The following LRRC53 variants were observed in gnomAD, a reference collection of about 807,000 sequenced individuals.
LRRC53 encodes the protein leucine rich repeat containing 53.
In LRRC53, 25 loss-of-function variants were observed where a neutral mutation model predicts 13.6. The observed-to-expected ratio is 1.83, with a 90% CI of 1.34 to 2.56. The LOEUF is 2.56. Among genes scored for constraint, LRRC53 ranks in the 30% most tolerant of loss-of-function variants. LRRC53 has a pLI of 0.00. For synonymous variants in LRRC53, 204 were observed against 109.8 expected, an observed-to-expected ratio of 1.86 and a Z score of -5.37; for missense variants, 527 against 275.8, an observed-to-expected ratio of 1.91 and a Z score of -6.45.
At position 74,471,199 on chromosome 1, in the gene LRRC53, A is replaced by AG. The variant is rs1011562092; in HGVS notation, c.2422dup (p.Leu808ProfsTer5). 22 of 400,572 alleles carry AG rather than the reference A, an allele frequency of 5.5e-5. No homozygotes were observed. The highest frequency in any genetic ancestry group is 1.3e-4 in the Admixed American group (3 of 22,716). The allele number at this position is 400,572 out of a possible 1,614,324, so 24.8% of individuals were successfully genotyped here. A position where few individuals can be genotyped will look rare whatever the true frequency, so the allele number is the denominator to read the frequency against. On this transcript the variant is annotated frameshift_variant, in exon 5 of 5. Coordinates refer to ENST00000294635, the MANE Select transcript of LRRC53 (RefSeq NM_001382280.1). LOFTEE classifies it low-confidence loss of function (END_TRUNC). The stretch of plus-strand genomic sequence containing the variant: ...TACACGCAAGTTGTTAGCACTGAGC[A>AG]GGGGGGCACGTTTAGTGTTTCGTTG...
At chr1:74,485,140 A>G (rs144819370) in intron 1 of LRRC53, among the ~76,000 whole-genome samples, 86 of 152,344 alleles carry the variant, frequency 5.6e-4, no homozygotes, top group African/African-American at 1.9e-3. Flanking sequence ...CCTATCTATA[A>G]CACAAGGAGA....
rs1411788327 is a variant in LRRC53, at chr1:74,475,463, C to T, written c.1252G>A (p.Gly418Ser). 1.4e-6 allele frequency: 1 copy of T among 717,022 alleles called. No homozygotes were observed. The highest frequency in any genetic ancestry group is 2.0e-5 in the Admixed American group (1 of 49,954). The allele number at this position is 717,022 out of a possible 1,614,324, so 44.4% of individuals were successfully genotyped here. A position where few individuals can be genotyped will look rare whatever the true frequency, so the allele number is the denominator to read the frequency against. ...GVGSTLFCQDGRLLHSECSEP... is the reference protein window; with the variant it reads ...GVGSTLFCQDSRLLHSECSEP... ...GAACATTCCGAATGCAGCAATCTACCATCCTGGCAAAATAAAGTGCTGCCT... is the reference window on the plus strand; with the variant it reads ...GAACATTCCGAATGCAGCAATCTACTATCCTGGCAAAATAAAGTGCTGCCT... The change falls in exon 4 of 5, where the codon GGT (glycine) becomes AGT (serine). Residue 418 changes from glycine (G) to serine (S), a missense_variant. By Grantham distance (56) the Gly-to-Ser change is moderately conservative. Transcript: ENST00000294635.
At chr1:74,511,776 G>A (rs946720613) in intron 1 of LRRC53, among the ~76,000 whole-genome samples, 9 of 151,878 alleles carry the variant, frequency 5.9e-5, no homozygotes, top group African/African-American at 1.5e-4. Flanking sequence ...AAGCCATCCC[G>A]TTTCACTTGA....
intron 1 of LRRC53, among the ~76,000 whole-genome samples, chr1:74,498,847 GT>G (rs1669466178): frequency 6.6e-6 from 1 of 151,902 alleles, no homozygotes; most frequent in South Asian, 2.1e-4. Flanking sequence ...TTCCCTGTGT[GT>G]TTTTTAAAAA....
intron 1 of LRRC53, among the ~76,000 whole-genome samples, chr1:74,486,350 T>G (rs1668764389): frequency 6.6e-6 from 1 of 152,122 alleles, no homozygotes; most frequent in African/African-American, 2.4e-5. Context: ...GTCCAGAGTT[T>G]CTCGTTGTTT....
chr1:74,529,275 G>T, the LRRC53 span, among the ~76,000 whole-genome samples: 1 of 152,132 alleles, frequency 6.6e-6, no homozygotes, highest in African/African-American at 2.4e-5. Flanking sequence ...AAATCAAAAT[G>T]TGATGGGACA....
chr1:74,480,685 C>T lies in LRRC53; in HGVS notation c.372G>A (p.Gly124=). The part of the protein sequence containing the change: ...LSNNALRTLR[G]SWFRNTSGLT... ...GGCCGCTTGTGTTTCGGAACCAAGA[C>T]CCTCGTAGGGTGCGGAGAGCATTAT... The change falls in exon 3 of 5, where the codon GGG becomes GGA. Residue 124 remains glycine (G), a synonymous_variant. Transcript: ENST00000294635. The T allele has an allele frequency of 1.4e-6, 1 of 717,360 alleles. No individual in the cohort carries two copies. Among genetic ancestry groups the T allele is most frequent in the Non-Finnish European group, 2.6e-6 (1 of 385,082 alleles). 44.4% of individuals were successfully genotyped at this position (717,360 alleles called of 1,614,324 possible).
rs118064274 is a variant in LRRC53, at chr1:74,471,157, A to G, written c.2465T>C (p.Ile822Thr). ...GCCAGCTGAGTAACAGCTGCTTTCT[A>G]TAGAGCTCTGGTTGACTACACGCAA... ...NNLRVVNQSS[I>T]ESSCYSAGHI... is the part of the protein sequence containing the mutation. The change falls in exon 5 of 5, where the codon ATA becomes ACA. Residue 822 changes from isoleucine (I) to threonine (T), a missense_variant. Coordinates refer to ENST00000294635, the MANE Select transcript of LRRC53 (RefSeq NM_001382280.1). 96 of 400,670 alleles carry G rather than the reference A, an allele frequency of 2.4e-4. No homozygotes were observed. The East Asian group carries it at 2.9e-3, about 12-fold the overall frequency. 24.8% of individuals were successfully genotyped at this position (400,670 alleles called of 1,614,324 possible).
chr1:74,513,880 A>C (rs1202278604), upstream of LRRC53, among the ~76,000 whole-genome samples: 10 of 152,234 alleles, frequency 6.6e-5, no homozygotes, highest in Admixed American at 6.5e-4. Flanking sequence ...AAGAAGCCAC[A>C]ACCGCATCTG....
In LRRC53 at chr1:74,486,660, CA is replaced by C; in HGVS notation, c.-26-3286del. 4.0e-5 allele frequency among the ~76,000 whole-genome samples: 6 copies of C among 151,580 alleles called. No individual in the cohort carries two copies. The South Asian group carries it at 1.3e-3, about 32-fold the overall frequency. On this transcript the variant is annotated intron_variant, in intron 1 of 4. Transcript: ENST00000294635. ...TAATCTGGAAGTTGTTTTTTAAAGA[CA>C]TAAGACTGAATTAACTCCTCAACAA...
At chr1:74,511,524 C>T (rs11210469) in intron 1 of LRRC53, among the ~76,000 whole-genome samples, 8,111 of 152,172 alleles carry the variant, frequency 0.053, 734 homozygotes, top group African/African-American at 0.18. Flanking sequence ...TTCCCTATTA[C>T]GCTAGCCTCT....
At chr1:74,489,829 A>G (rs746027897) in intron 1 of LRRC53, among the ~76,000 whole-genome samples, 1 of 152,148 alleles carries the variant, frequency 6.6e-6, no homozygotes, top group Admixed American at 6.5e-5. Flanking sequence ...GCATTTCAAA[A>G]TAATCGAGGG....
chr1:74,505,781 A>G (rs1418966208), intron 1 of LRRC53, among the ~76,000 whole-genome samples: 2 of 152,220 alleles, frequency 1.3e-5, no homozygotes, highest in Non-Finnish European at 2.9e-5. Context: ...CTGAAAAAAT[A>G]CTGGACCCAG....
intron 1 of LRRC53, among the ~76,000 whole-genome samples, chr1:74,505,013 G>A (rs911811962): frequency 5.9e-5 from 9 of 152,278 alleles, no homozygotes; most frequent in African/African-American, 2.2e-4. Flanking sequence ...GACATATTGG[G>A]ACAACGAATG....
At chr1:74,487,672 G>T (rs1668835615) in intron 1 of LRRC53, among the ~76,000 whole-genome samples, 1 of 151,958 alleles carries the variant, frequency 6.6e-6, no homozygotes. Context: ...ATGATGAAGT[G>T]AGCAAAAAAA....
chr1:74,511,075 A>AC (rs1355811316), intron 1 of LRRC53, among the ~76,000 whole-genome samples: 1 of 152,118 alleles, frequency 6.6e-6, no homozygotes, highest in African/African-American at 2.4e-5. Context: ...TTTAGTAGAA[A>AC]CAGAGTTTCA....
intron 1 of LRRC53, among the ~76,000 whole-genome samples, chr1:74,490,018 G>A (rs773363212): frequency 1.2e-4 from 15 of 126,360 alleles, no homozygotes; most frequent in African/African-American, 3.6e-4. Context: ...GTCTCAAAGT[G>A]GAACCATCAA....
At chr1:74,506,849 A>T (rs1246226074) in intron 1 of LRRC53, among the ~76,000 whole-genome samples, 3 of 152,040 alleles carry the variant, frequency 2.0e-5, no homozygotes, top group African/African-American at 7.2e-5. Context: ...TCCTAATCTC[A>T]TTCTTACACT....
At chr1:74,488,928 A>C (rs563846408) in intron 1 of LRRC53, among the ~76,000 whole-genome samples, 2 of 152,308 alleles carry the variant, frequency 1.3e-5, no homozygotes, top group Admixed American at 1.3e-4. Context: ...ATGCAAAGCT[A>C]ATTAAAGCTT....
Sources: allele counts gnomAD v4.1 joint callset (sites outside exome capture counted in the v4.1 genomes callset), GRCh38; gene constraint gnomAD v4.1.1; transcripts MANE v1.5; gene names NCBI Gene and HGNC (gene_info 2026-07-23, HGNC 2026-07-21).